SHISA9: variants seen among roughly 807,000 people sequenced by gnomAD.
SHISA9 encodes protein shisa-9.
Under a neutral mutation model 38.0 loss-of-function variants are expected in SHISA9, and 13 were observed. That is an observed-to-expected ratio of 0.34 (90% confidence interval 0.22 to 0.54). The LOEUF (loss-of-function observed/expected upper bound fraction) is 0.54. Ranked by LOEUF, SHISA9 falls within the 20% of genes least tolerant of loss-of-function variation. The pLI, the probability that SHISA9 is intolerant of heterozygous loss-of-function variation, is 0.91. For missense variants in SHISA9, 538 were observed against 575.8 expected, an observed-to-expected ratio of 0.93 and a Z score of 0.67; for synonymous variants, 275 against 242.0, an observed-to-expected ratio of 1.14 and a Z score of -1.27.
chr16:12,928,881 A>G (rs1259018837), intron 2 of SHISA9, among the ~76,000 whole-genome samples: 3 of 152,236 alleles, frequency 2.0e-5, no homozygotes, highest in Non-Finnish European at 4.4e-5. Flanking sequence ...GACGTTGCAT[A>G]AGCATATTAA....
At chr16:13,556,950 A>G in the SHISA9 span, among the ~76,000 whole-genome samples, 1 of 152,334 alleles carries the variant, frequency 6.6e-6, no homozygotes, top group East Asian at 1.9e-4. Context: ...ATAAAGGACT[A>G]GAACATTTGT....
intron 2 of SHISA9, among the ~76,000 whole-genome samples, chr16:13,080,410 G>C (rs958835826): frequency 5.3e-5 from 8 of 152,070 alleles, no homozygotes; most frequent in Middle Eastern, 3.2e-3. Context: ...ACCACCACTT[G>C]GTCAGCTCCA....
At chr16:13,323,580 C>A in the SHISA9 span, among the ~76,000 whole-genome samples, 1 of 152,256 alleles carries the variant, frequency 6.6e-6, no homozygotes, top group Admixed American at 6.5e-5. Context: ...ACTGTGTCAT[C>A]TATAAAGAAA....
chr16:13,029,357 G>A (rs1336541516), intron 2 of SHISA9, among the ~76,000 whole-genome samples: 1 of 147,708 alleles, frequency 6.8e-6, no homozygotes, highest in Non-Finnish European at 1.5e-5. Flanking sequence ...TGTAATCCCA[G>A]CATTTTGGGA....
chr16:12,949,852 ATTTC>A (rs1187914736), intron 2 of SHISA9, among the ~76,000 whole-genome samples: 1 of 152,158 alleles, frequency 6.6e-6, no homozygotes, highest in African/African-American at 2.4e-5. Flanking sequence ...AACATTTATT[ATTTC>A]TTTGTGTTGG....
intron 2 of SHISA9, among the ~76,000 whole-genome samples, chr16:13,094,460 A>AT (rs2073806333): frequency 6.6e-6 from 1 of 150,774 alleles, no homozygotes; most frequent in Admixed American, 6.8e-5. Flanking sequence ...CTAGGCAAAA[A>AT]TAAAAAAAAA....
chr16:13,340,857 C>G, the SHISA9 span, among the ~76,000 whole-genome samples: 66 of 152,140 alleles, frequency 4.3e-4, no homozygotes, highest in Non-Finnish European at 8.8e-4. Flanking sequence ...GCAGGGAACA[C>G]AAGCCCACTC....
rs57933685 is a variant in SHISA9, at chr16:13,085,786, A to C, written c.692-117608A>C. On this transcript the variant is annotated intron_variant, in intron 2 of 4. Coordinates refer to ENST00000558583, the MANE Select transcript of SHISA9 (RefSeq NM_001145204.3). Reference sequence around the variant, plus strand: ...TTGACTCAGGGGACTTTTACAGAATAAAGGAACCTCTGTTGAAGGTTCTAA... The same window carrying C: ...TTGACTCAGGGGACTTTTACAGAATCAAGGAACCTCTGTTGAAGGTTCTAA... Among the ~76,000 whole-genome samples the C allele has an allele frequency of 2.2e-4, 34 of 152,294 alleles. No homozygotes were observed. In the East Asian group the frequency reaches 6.4e-3, roughly 29 times the overall value.
At chr16:13,111,299 A>G (rs917563870) in intron 2 of SHISA9, among the ~76,000 whole-genome samples, 3 of 151,884 alleles carry the variant, frequency 2.0e-5, no homozygotes, top group African/African-American at 4.8e-5. Flanking sequence ...TATCCATCTG[A>G]CAAAGGGCTA....
chr16:13,255,930 T>G, the SHISA9 span, among the ~76,000 whole-genome samples: 1 of 152,214 alleles, frequency 6.6e-6, no homozygotes, highest in Non-Finnish European at 1.5e-5. Context: ...CTTAAATTTA[T>G]GCTTAAATCC....
the SHISA9 span, among the ~76,000 whole-genome samples, chr16:13,374,936 A>G: frequency 2.6e-5 from 4 of 152,146 alleles, no homozygotes; most frequent in East Asian, 7.7e-4. Context: ...GCATTTTTTC[A>G]TGTGTCTGTT....
At chr16:13,441,066 A>G in the SHISA9 span, among the ~76,000 whole-genome samples, 1 of 152,214 alleles carries the variant, frequency 6.6e-6, no homozygotes, top group African/African-American at 2.4e-5. Context: ...CAGAGATAGC[A>G]GAGAAGAAAT....
intron 4 of SHISA9, among the ~76,000 whole-genome samples, chr16:13,222,313 A>G (rs946825628): frequency 2.6e-5 from 4 of 151,712 alleles, no homozygotes; most frequent in African/African-American, 9.7e-5. Context: ...GGGCAGCTCT[A>G]CTCCGAGTGG....
intron 2 of SHISA9, among the ~76,000 whole-genome samples, chr16:13,032,041 T>C (rs1217223943): frequency 6.6e-6 from 1 of 152,102 alleles, no homozygotes; most frequent in Non-Finnish European, 1.5e-5. Flanking sequence ...AGTTCTGGGA[T>C]ACATGTGCAG....
At chr16:13,327,414 G>A in the SHISA9 span, among the ~76,000 whole-genome samples, 6 of 152,038 alleles carry the variant, frequency 3.9e-5, no homozygotes, top group African/African-American at 9.7e-5. Context: ...TCAAGAGTTC[G>A]AGACCAGCCT....
chr16:13,172,398 C>T (rs78628611), intron 2 of SHISA9, among the ~76,000 whole-genome samples: 2,473 of 152,280 alleles, frequency 0.016, 68 homozygotes, highest in African/African-American at 0.057. Context: ...TAAATAAAGC[C>T]AGGTAACTGG....
chr16:13,419,434 T>G, the SHISA9 span, among the ~76,000 whole-genome samples: 2 of 152,260 alleles, frequency 1.3e-5, no homozygotes, highest in Non-Finnish European at 2.9e-5. Context: ...GGGACTAATC[T>G]TTCCTTTAAT....
At chr16:13,231,731 G>A (rs760132216) in intron 4 of SHISA9, among the ~76,000 whole-genome samples, 3 of 152,192 alleles carry the variant, frequency 2.0e-5, no homozygotes, top group South Asian at 2.1e-4. Flanking sequence ...TGGAGGCCAC[G>A]CTAGCCAGGA....
In SHISA9 at chr16:13,121,872, C is replaced by T. The variant is rs919565287; in HGVS notation, c.692-81522C>T. 2.0e-3 allele frequency among the ~76,000 whole-genome samples: 280 copies of T among 137,750 alleles called. 2 individuals are homozygous for T. Among genetic ancestry groups the T allele is most frequent in the African/African-American group, 7.3e-3 (259 of 35,402 alleles). The allele number at this position is 137,750 out of a possible 152,430, so 90.4% of individuals were successfully genotyped here. On this transcript the variant is annotated intron_variant, in intron 2 of 4. Coordinates refer to ENST00000558583, the MANE Select transcript of SHISA9 (RefSeq NM_001145204.3). ...ACACACACACACACACACACACACA[C>T]ACACACACACAGAACAGGCCTACAT...
Sources: allele counts gnomAD v4.1 joint callset (sites outside exome capture counted in the v4.1 genomes callset), GRCh38; gene constraint gnomAD v4.1.1; transcripts MANE v1.5; gene names NCBI Gene and HGNC (gene_info 2026-07-23, HGNC 2026-07-21).